CDH7: variants seen among roughly 807,000 people sequenced by gnomAD.
CDH7 encodes cadherin-7.
Under a neutral mutation model 71.8 loss-of-function variants are expected in CDH7, and 25 were observed. The observed-to-expected ratio is 0.35, with a 90% CI of 0.25 to 0.49. The LOEUF (loss-of-function observed/expected upper bound fraction) is 0.49. CDH7 is among the 20% of genes least tolerant of loss of function. CDH7 has a pLI of 0.99. For missense variants in CDH7, 862 were observed against 974.6 expected, an observed-to-expected ratio of 0.88 and a Z score of 1.54; for synonymous variants, 381 against 363.8, an observed-to-expected ratio of 1.05 and a Z score of -0.54.
chr18:65,822,902 G>A (rs1354296915), intron 5 of CDH7, among the ~76,000 whole-genome samples: 1 of 151,736 alleles, frequency 6.6e-6, no homozygotes, highest in Non-Finnish European at 1.5e-5. Context: ...GTAGAGGTGT[G>A]CTGTTTGTAA....
Position 65,862,820 on chromosome 18 carries a change from C to G in CDH7, c.1767C>G (p.Gly589=), listed in dbSNP as rs1454531414. 1 of 1,614,138 alleles carries G rather than the reference C, an allele frequency of 6.2e-7. No homozygotes were observed. Among genetic ancestry groups the G allele is most frequent in the Admixed American group, 1.7e-5 (1 of 60,018 alleles). ...GCGTGTGTGACTGTGATGCTGACGG[C>G]GTAGCCCAGACCTGCAATGCAGAGG... ...TIRVCDCDAD[G]VAQTCNAEAY... is the part of the protein sequence containing the mutation. The change falls in exon 11 of 12, where the codon GGC becomes GGG. Residue 589 remains glycine (G), a synonymous_variant. Coordinates refer to ENST00000397968, the MANE Select transcript of CDH7 (RefSeq NM_004361.5).
intron 7 of CDH7, among the ~76,000 whole-genome samples, chr18:65,853,956 T>TGC (rs1913253232): frequency 9.4e-6 from 1 of 105,914 alleles, no homozygotes; most frequent in African/African-American, 3.3e-5. Context: ...TATATATATA[T>TGC]GCTATTTAGT....
At chr18:65,755,974 AACAAAAAAAC>A (rs1916016780) in intron 1 of CDH7, among the ~76,000 whole-genome samples, 1 of 152,134 alleles carries the variant, frequency 6.6e-6, no homozygotes, top group African/African-American at 2.4e-5. Flanking sequence ...ATACAAAACA[AACAAAAAAAC>A]AAAAACAAAA....
intron 2 of CDH7, among the ~76,000 whole-genome samples, chr18:65,800,140 T>C (rs1437650472): frequency 6.6e-6 from 1 of 152,144 alleles, no homozygotes; most frequent in Non-Finnish European, 1.5e-5. Flanking sequence ...AGTGAAGTGG[T>C]GTGATCTTGG....
At chr18:65,807,286 A>C (rs527534929) in intron 2 of CDH7, among the ~76,000 whole-genome samples, 19 of 152,286 alleles carry the variant, frequency 1.2e-4, no homozygotes, top group African/African-American at 4.3e-4. Context: ...GTTGAAGTTC[A>C]CAGTCAGGGC....
At chr18:65,767,944 G>T (rs1028824640) in intron 2 of CDH7, among the ~76,000 whole-genome samples, 1 of 152,084 alleles carries the variant, frequency 6.6e-6, no homozygotes, top group Non-Finnish European at 1.5e-5. Flanking sequence ...AACTTAAAAA[G>T]TCACCTCAGT....
chr18:65,781,864 T>TTCTTTCTTTC (rs1568181719), intron 2 of CDH7, among the ~76,000 whole-genome samples: 6 of 54,634 alleles, frequency 1.1e-4, no homozygotes, highest in Admixed American at 4.4e-4. Flanking sequence ...CTTTCTTTCT[T>TTCTTTCTTTC]TCTCTCTCTC....
intron 2 of CDH7, among the ~76,000 whole-genome samples, chr18:65,773,086 C>A (rs1003859184): frequency 6.6e-6 from 1 of 152,036 alleles, no homozygotes; most frequent in African/African-American, 2.4e-5. Flanking sequence ...TTGTGCTCAA[C>A]CAGAGCTAAG....
At chr18:65,855,952 A>T (rs1466505915) in intron 7 of CDH7, among the ~76,000 whole-genome samples, 1 of 152,042 alleles carries the variant, frequency 6.6e-6, no homozygotes, top group Non-Finnish European at 1.5e-5. Context: ...AATATAATGC[A>T]TCATATTAAG....
chr18:65,766,921 A>G (rs73963785), intron 2 of CDH7, among the ~76,000 whole-genome samples: 1 of 52,250 alleles, frequency 1.9e-5, no homozygotes, highest in Non-Finnish European at 3.1e-5. Flanking sequence ...AAAAAAAAAA[A>G]AGTCTACAAA....
intron 6 of CDH7, among the ~76,000 whole-genome samples, chr18:65,839,976 G>A (rs1221458101): frequency 6.6e-6 from 1 of 152,096 alleles, no homozygotes; most frequent in African/African-American, 2.4e-5. Flanking sequence ...CAAGAAAAAT[G>A]TGTTATGATA....
Position 65,781,950 on chromosome 18 carries a change from C to T in CDH7, c.210+18898C>T, listed in dbSNP as rs1910266045. Among the ~76,000 whole-genome samples the T allele has an allele frequency of 2.9e-5, 3 of 101,800 alleles. 1 individual carries two copies. Among genetic ancestry groups the T allele is most frequent in the Non-Finnish European group, 1.8e-5 (1 of 56,108 alleles). 66.8% of individuals were successfully genotyped at this position (101,800 alleles called of 152,430 possible). A position where few individuals can be genotyped will look rare whatever the true frequency, so the allele number is the denominator to read the frequency against. On this transcript the variant is annotated intron_variant, in intron 2 of 11. Coordinates refer to ENST00000397968, the MANE Select transcript of CDH7 (RefSeq NM_004361.5). ...TCTCTCTCTCTCTCTCTCTCTTTCT[C>T]TCTTTCTCTCTTTCTCTCTCTCTCT...
chr18:65,813,071 G>C (rs769654456), intron 3 of CDH7, among the ~76,000 whole-genome samples: 1 of 152,136 alleles, frequency 6.6e-6, no homozygotes. Flanking sequence ...GGTGGCTCAC[G>C]CCTGGAATCC....
chr18:65,809,802 T>C lies in CDH7; in HGVS notation c.309T>C (p.Asp103=), dbSNP rs1284648957. 16 of 1,613,976 alleles carry C rather than the reference T, an allele frequency of 9.9e-6. No homozygotes were observed. Among genetic ancestry groups the C allele is most frequent in the Non-Finnish European group, 1.4e-5 (16 of 1,179,988 alleles). ...SIFIIDENTG[D]IHATKRLDRE... is the part of the protein sequence containing the mutation. ...TCATTATTGATGAGAACACTGGGGA[T>C]ATTCATGCCACCAAGAGACTGGATC... The change falls in exon 3 of 12, where the codon GAT becomes GAC. Residue 103 remains aspartate, a synonymous_variant. Transcript: ENST00000397968.
intron 6 of CDH7, among the ~76,000 whole-genome samples, chr18:65,830,390 A>G (rs1006157999): frequency 6.6e-6 from 1 of 152,240 alleles, no homozygotes; most frequent in Non-Finnish European, 1.5e-5. Flanking sequence ...ACACTTATTC[A>G]TGGAAGTGCC....
chr18:65,863,273 G>T (rs1429528639), intron 11 of CDH7: 4 of 245,902 alleles, frequency 1.6e-5, no homozygotes, highest in Admixed American at 5.1e-5. Flanking sequence ...CCTGACCTCA[G>T]GTGATCCACC....
At chr18:65,834,678 A>C (rs2143967589) in intron 6 of CDH7, among the ~76,000 whole-genome samples, 1 of 152,362 alleles carries the variant, frequency 6.6e-6, no homozygotes, top group Admixed American at 6.5e-5. Flanking sequence ...GATACGTAGT[A>C]ATGATGGGAC....
chr18:65,864,704 C>T (rs11663769), intron 11 of CDH7, among the ~76,000 whole-genome samples: 80,490 of 150,424 alleles, frequency 0.54, 25,332 homozygotes, highest in East Asian at 0.92. Context: ...CTGGCTAACA[C>T]GGTGAAACCC....
intron 1 of CDH7, among the ~76,000 whole-genome samples, chr18:65,761,887 A>G (rs1404926072): frequency 6.6e-6 from 1 of 152,204 alleles, no homozygotes; most frequent in East Asian, 1.9e-4. Context: ...GTTGATCAAC[A>G]TAATTCAATT....
Sources: allele counts gnomAD v4.1 joint callset (sites outside exome capture counted in the v4.1 genomes callset), GRCh38; gene constraint gnomAD v4.1.1; transcripts MANE v1.5; gene names NCBI Gene and HGNC (gene_info 2026-07-23, HGNC 2026-07-21).